PCNT: variants seen among roughly 807,000 people sequenced by gnomAD.
PCNT encodes the protein kendrin.
Under a neutral mutation model 380.4 loss-of-function variants are expected in PCNT, and 319 were observed. The ratio of observed to expected loss-of-function variants is 0.84; its 90% CI spans 0.77 to 0.92. The LOEUF (loss-of-function observed/expected upper bound fraction) is 0.92, where lower values mean the gene tolerates loss of function less well. Among genes scored for constraint, PCNT ranks in the 40% least tolerant of loss-of-function variants. The pLI is 0.00. For synonymous variants in PCNT, 1,845 were observed against 1,735.2 expected (o/e 1.06, Z -1.57); for missense variants, 4,400 against 4,255.3 (o/e 1.03, Z -0.95).
intron 27 of PCNT, among the ~76,000 whole-genome samples, chr21:46,403,409 G>A (rs1320401363): frequency 2.9e-5 from 4 of 140,228 alleles, no homozygotes; most frequent in Non-Finnish European, 4.6e-5. Flanking sequence ...CACGCGGCGC[G>A]TGATTGGTGA....
rs758927283 is a variant in PCNT, at chr21:46,431,769, G to C, written c.8305G>C (p.Glu2769Gln). The change falls in exon 38 of 47, where the codon GAG (glutamate) becomes CAG (glutamine). Residue 2769 changes from glutamate (E) to glutamine (Q), a missense_variant. By Grantham distance (29) the Glu-to-Gln change is conservative. Transcript: ENST00000359568. ...CTTGCGGCACGAGCGGCTCCTGACC[G>C]AGCAGCTGAGCCAGAGGACACAGGA... Reference protein sequence around the residue: ...EALRHERLLTEQLSQRTQEAC... With the variant: ...EALRHERLLTQQLSQRTQEAC... 1 of 1,612,710 alleles carries C rather than the reference G, an allele frequency of 6.2e-7. No homozygotes were observed. Among genetic ancestry groups the C allele is most frequent in the Admixed American group, 1.7e-5 (1 of 59,990 alleles).
chr21:46,427,521 C>G, intron 33 of PCNT, 101 bp from the exon 34 acceptor site: 1 of 1,345,160 alleles, frequency 7.4e-7, no homozygotes, highest in Non-Finnish European at 1.1e-6. Context: ...TGAATCACCT[C>G]CCGCAGGCCC....
chr21:46,425,093 TG>T lies in PCNT; in HGVS notation c.7180-737del, dbSNP rs2087437907. 6.6e-6 allele frequency among the ~76,000 whole-genome samples: 1 copy of T among 152,164 alleles called. No homozygotes were observed. Among genetic ancestry groups the T allele is most frequent in the South Asian group, 2.1e-4 (1 of 4,830 alleles). ...TATGCAGACGTGTCCTGTGCTTGGG[TG>T]TGTGCTCATGTGGTGGTGACCGCGC... On this transcript the variant is annotated intron_variant, in intron 32 of 46. Coordinates refer to ENST00000359568, the MANE Select transcript of PCNT (RefSeq NM_006031.6). The surrounding 1 kb of genome is among the most constrained non-coding windows in gnomAD (Gnocchi z 4.2).
Position 46,353,620 on chromosome 21 carries a change from A to G in PCNT, c.1679+294A>G, listed in dbSNP as rs182134416. Among the ~76,000 whole-genome samples, 26 of 149,804 alleles carry G rather than the reference A, an allele frequency of 1.7e-4. No individual in the cohort carries two copies. The East Asian group carries it at 4.7e-3, about 27-fold the overall frequency. ...TGTGTGTGTGCATGAGTCAGTGGGC[A>G]CGCTCTTGTCCAGGCCTGCGTGTGT... On this transcript the variant is annotated intron_variant, in intron 10 of 46. Transcript: ENST00000359568.
At position 46,413,325 on chromosome 21, in the gene PCNT, G is replaced by C. The variant is rs1359621205; in HGVS notation, c.6150+333G>C. The stretch of plus-strand genomic sequence containing the variant: ...AACGGGGAAGGCACGAGGCCCACCC[G>C]GGAGAGGCTGGACACGCGGCAGCAA... On this transcript the variant is annotated intron_variant, in intron 29 of 46. Transcript: ENST00000359568. Among the ~76,000 whole-genome samples, 374 of 76,556 alleles carry C rather than the reference G, an allele frequency of 4.9e-3. 16 individuals carry two copies. Among genetic ancestry groups the C allele is most frequent in the African/African-American group, 0.026 (349 of 13,486 alleles). The allele number at this position is 76,556 out of a possible 152,430, so 50.2% of individuals were successfully genotyped here.
intron 15 of PCNT, among the ~76,000 whole-genome samples, chr21:46,371,518 A>T (rs1004230758): frequency 5.3e-5 from 8 of 152,100 alleles, no homozygotes; most frequent in African/African-American, 9.7e-5. Flanking sequence ...TCAGTTTTTT[A>T]AAATCTTGTG....
At chr21:46,374,943 G>A (rs2085287691) in intron 15 of PCNT, among the ~76,000 whole-genome samples, 1 of 151,598 alleles carries the variant, frequency 6.6e-6, no homozygotes, top group Admixed American at 6.6e-5. Flanking sequence ...GGGATGTCCT[G>A]TTCTTCCCCG....
chr21:46,412,879 C>G lies in PCNT; in HGVS notation c.6037C>G (p.Leu2013Val), dbSNP rs1326726995. The change falls in exon 29 of 47, where the codon CTC becomes GTC. Residue 2013 changes from leucine (L) to valine (V), a missense_variant. Leu to Val is a conservative substitution (Grantham distance 32, BLOSUM62 1). Coordinates refer to ENST00000359568, the MANE Select transcript of PCNT (RefSeq NM_006031.6). ...PVLVTLKDAP[L>V]CKQEGVMSVL... ...CCTGGTGACGTTGAAGGATGCACCT[C>G]TCTGCAAGCAAGAAGGCGTGATGTC... 2 of 1,612,766 alleles carry G rather than the reference C, an allele frequency of 1.2e-6. No homozygotes were observed. Among genetic ancestry groups the G allele is most frequent in the African/African-American group, 2.7e-5 (2 of 74,946 alleles).
At chr21:46,390,134 C>T (rs911309838) in intron 19 of PCNT, among the ~76,000 whole-genome samples, 1 of 152,224 alleles carries the variant, frequency 6.6e-6, no homozygotes, top group Non-Finnish European at 1.5e-5. Flanking sequence ...AGCAGCCAGC[C>T]TGGGCAACAT....
At chr21:46,353,412 A>G (rs576517716) in intron 10 of PCNT, 86 bp downstream of exon 10, 2 of 1,107,896 alleles carry the variant, frequency 1.8e-6, no homozygotes, top group South Asian at 2.5e-5. Flanking sequence ...TGGTGATTTC[A>G]TGCTAGTAGG....
rs72175446 is a variant in PCNT at position 46,353,715 on chromosome 21, G to GGTGT, written c.1680-238_1680-235dup. On this transcript the variant is annotated intron_variant, in intron 10 of 46. Transcript: ENST00000359568. ...TTGGTGGCAGGGGCACTCTCCTCCA[G>GGTGT]GTGTGTGTGTGTGTGTGTGTGTGTG... Among the ~76,000 whole-genome samples, 2,433 of 128,996 alleles carry GGTGT rather than the reference G, an allele frequency of 0.019. 41 individuals are homozygous for GGTGT. The highest frequency in any genetic ancestry group is 0.045 in the African/African-American group (1,591 of 35,112). 84.6% of individuals were successfully genotyped at this position (128,996 alleles called of 152,430 possible). A position where few individuals can be genotyped will look rare whatever the true frequency, so the allele number is the denominator to read the frequency against.
At chr21:46,356,869 T>C in intron 12 of PCNT, 105 bp from the exon 13 acceptor site, 2 of 912,518 alleles carry the variant, frequency 2.2e-6, no homozygotes, top group Non-Finnish European at 3.6e-6. Context: ...CCACAGTGTC[T>C]GCTGTCAGAA....
At chr21:46,394,737 C>A (rs535310669) in intron 21 of PCNT, among the ~76,000 whole-genome samples, 1 of 152,338 alleles carries the variant, frequency 6.6e-6, no homozygotes, top group South Asian at 2.1e-4. Flanking sequence ...ATTTCTCTAA[C>A]GGTCTTTACT....
At chr21:46,352,293 C>G (rs1435534820) in intron 9 of PCNT, among the ~76,000 whole-genome samples, 1 of 152,266 alleles carries the variant, frequency 6.6e-6, no homozygotes, top group Non-Finnish European at 1.5e-5. Context: ...CCAGGCCTGG[C>G]TCCGCCTCCC....
At chr21:46,381,214 GT>G (rs2085527078) in intron 15 of PCNT, among the ~76,000 whole-genome samples, 1 of 87,572 alleles carries the variant, frequency 1.1e-5, no homozygotes, top group Non-Finnish European at 2.0e-5. Flanking sequence ...GTGTGTGTGT[GT>G]GTGTGTGTGT....
chr21:46,402,623 G>A (rs981591770), intron 27 of PCNT, 140 bp downstream of exon 27: 40 of 854,566 alleles, frequency 4.7e-5, no homozygotes, highest in Non-Finnish European at 7.4e-5. Context: ...ACAGTGCAGA[G>A]AGCGCCCGAT....
At chr21:46,420,079 G>A (rs1216853431) in intron 31 of PCNT, among the ~76,000 whole-genome samples, 2 of 152,088 alleles carry the variant, frequency 1.3e-5, no homozygotes, top group African/African-American at 2.4e-5. Flanking sequence ...CTGTGCCCGC[G>A]CCCTCCAGTG....
intron 24 of PCNT, 27 bp from the exon 25 acceptor site, chr21:46,399,563 T>C: frequency 2.6e-6 from 4 of 1,531,414 alleles, no homozygotes; most frequent in Non-Finnish European, 3.6e-6. Context: ...TTCTATTGTA[T>C]TCCTCAAGCA....
chr21:46,341,185 C>G (rs1480031068), intron 3 of PCNT, among the ~76,000 whole-genome samples: 1 of 152,106 alleles, frequency 6.6e-6, no homozygotes, highest in Non-Finnish European at 1.5e-5. Flanking sequence ...GCCTGGCCAG[C>G]CCATCCACTT....
Sources: gnomAD v4.1 joint callset for allele counts (sites outside exome capture counted in the v4.1 genomes callset) on GRCh38, gnomAD v4.1.1 for gene constraint, Gnocchi (gnomAD v3.1) non-coding constraint, MANE v1.5 for transcripts, NCBI Gene and HGNC (gene_info 2026-07-23, HGNC 2026-07-21) for gene names.